STAT5B: variants seen among roughly 807,000 people sequenced by gnomAD.
STAT5B encodes signal transducer and activator of transcription 5B.
Under a neutral mutation model 107.8 loss-of-function variants are expected in STAT5B, and 21 were observed. That is an observed-to-expected ratio of 0.19 (90% CI 0.14 to 0.28). The LOEUF is 0.28. Among genes scored for constraint, STAT5B ranks in the 10% least tolerant of loss-of-function variants. The pLI is 1.00. For synonymous variants in STAT5B, 325 were observed against 401.7 expected, an observed-to-expected ratio of 0.81 and a Z score of 2.28; for missense variants, 565 against 1,008.2, an observed-to-expected ratio of 0.56 and a Z score of 5.95.
In STAT5B at chr17:42,201,026, C is replaced by A; in HGVS notation, c.*712G>T. 2.5e-6 allele frequency: 1 copy of A among 401,246 alleles called. No homozygotes were observed. The allele number at this position is 401,246 out of a possible 1,614,324, so 24.9% of individuals were successfully genotyped here. A position where few individuals can be genotyped will look rare whatever the true frequency, so the allele number is the denominator to read the frequency against. On this transcript the variant is annotated 3_prime_UTR_variant, in exon 19 of 19. Coordinates refer to ENST00000293328, the MANE Select transcript of STAT5B (RefSeq NM_012448.4). ...CACCCAGAGGAACTGAGTGGCAATT[C>A]CAGGGTGCGGGCGGGCAGGAGGGGA...
At chr17:42,234,164 G>C (rs989106266) in intron 1 of STAT5B, 1 of 152,204 alleles carries the variant, frequency 6.6e-6, no homozygotes, top group Admixed American at 6.5e-5. Flanking sequence ...AAGTGTGTCA[G>C]GAAATAAAAA....
At chr17:42,250,007 C>T (rs142091272) in intron 1 of STAT5B, among the ~76,000 whole-genome samples, 4 of 152,218 alleles carry the variant, frequency 2.6e-5, no homozygotes, top group South Asian at 2.1e-4. Flanking sequence ...TGAAAGCCTA[C>T]GCATTCAATC....
intron 5 of STAT5B, among the ~76,000 whole-genome samples, chr17:42,220,332 A>G (rs954451690): frequency 6.6e-6 from 1 of 152,214 alleles, no homozygotes; most frequent in Non-Finnish European, 1.5e-5. Flanking sequence ...GACATGGAAG[A>G]TGCCAGAAAG....
At chr17:42,274,296 A>G (rs1295493282) in intron 1 of STAT5B, among the ~76,000 whole-genome samples, 1 of 151,316 alleles carries the variant, frequency 6.6e-6, no homozygotes, top group Non-Finnish European at 1.5e-5. Flanking sequence ...AAAAAAAAAA[A>G]AAAAAAAAAA....
chr17:42,218,170 T>G lies in STAT5B; in HGVS notation c.1150A>C (p.Lys384Gln). 1.2e-6 allele frequency: 2 copies of G among 1,614,184 alleles called. No homozygotes were observed. The highest frequency in any genetic ancestry group is 1.7e-6 in the Non-Finnish European group (2 of 1,180,030). ...AATTACTTGCGGGTGTTCTCGTTCT[T>G]GAGCAGAGACTTGGCCTGCTGCTCA... The part of the protein sequence containing the change: ...ISEQQAKSLL[K>Q]NENTRNDYSG... Residue 384 changes from lysine (K) to glutamine (Q), a missense_variant, in exon 9 of 19, where the codon AAG (lysine) becomes CAG (glutamine). Transcript: ENST00000293328.
intron 16 of STAT5B, among the ~76,000 whole-genome samples, chr17:42,206,444 A>T (rs530452101): frequency 6.6e-6 from 1 of 152,230 alleles, no homozygotes; most frequent in East Asian, 1.9e-4. Flanking sequence ...ACCTCCACAC[A>T]GGAAGTTCAA....
chr17:42,212,184 C>T lies in STAT5B; in HGVS notation c.1480G>A (p.Val494Met). The T allele has an allele frequency of 6.2e-7, 1 of 1,614,176 alleles. No individual in the cohort carries two copies. Among genetic ancestry groups the T allele is most frequent in the Non-Finnish European group, 8.5e-7 (1 of 1,180,042 alleles). ...WDNAFAEPGR[V>M]PFAVPDKVLW... ...ACTTTGTCAGGCACGGCAAATGGCA[C>T]CCTGCCCTGAGAGGGAGAGAGGCCA... The change falls in exon 13 of 19, where the codon GTG (valine) becomes ATG (methionine). Residue 494 changes from valine (V) to methionine (M), a missense_variant. By Grantham distance (21) the Val-to-Met change is conservative (BLOSUM62 1). Coordinates refer to ENST00000293328, the MANE Select transcript of STAT5B (RefSeq NM_012448.4).
intron 12 of STAT5B, among the ~76,000 whole-genome samples, chr17:42,213,577 G>C (rs145654633): frequency 6.6e-6 from 1 of 151,538 alleles, no homozygotes; most frequent in African/African-American, 2.4e-5. Context: ...GCCCAGGCTG[G>C]AGTGCAGTGG....
At chr17:42,220,840 A>G (rs375474323) in intron 5 of STAT5B, among the ~76,000 whole-genome samples, 1,832 of 152,048 alleles carry the variant, frequency 0.012, 26 homozygotes, top group African/African-American at 0.04. Flanking sequence ...ACACAGGAGC[A>G]CCTGTGTATC....
intron 3 of STAT5B, 135 bp downstream of exon 3, chr17:42,227,394 G>T: frequency 1.6e-4 from 164 of 996,276 alleles, no homozygotes; most frequent in Non-Finnish European, 2.1e-4. Flanking sequence ...AAAAAAAAAA[G>T]ACCAAAACCA....
chr17:42,229,460 T>C (rs1283212329), intron 2 of STAT5B, among the ~76,000 whole-genome samples: 1 of 151,066 alleles, frequency 6.6e-6, no homozygotes, highest in Non-Finnish European at 1.5e-5. Flanking sequence ...AGGAGCCCAC[T>C]CTTAAAAGGA....
intron 1 of STAT5B, among the ~76,000 whole-genome samples, chr17:42,261,994 C>T (rs527971127): frequency 1.3e-5 from 2 of 152,178 alleles, no homozygotes; most frequent in East Asian, 3.9e-4. Context: ...GTCATCTCAC[C>T]TGGCCTAAAA....
At chr17:42,270,448 A>C (rs933336122) in intron 1 of STAT5B, 2 of 152,200 alleles carry the variant, frequency 1.3e-5, no homozygotes, top group Non-Finnish European at 2.9e-5. Context: ...CCAAGGAGAC[A>C]GCTTATAGCT....
At chr17:42,272,233 C>A (rs978198292) in intron 1 of STAT5B, 1 of 152,126 alleles carries the variant, frequency 6.6e-6, no homozygotes, top group African/African-American at 2.4e-5. Context: ...TAATACCATA[C>A]CCTGAATTTC....
upstream of STAT5B, among the ~76,000 whole-genome samples, chr17:42,277,377 T>A (rs1475871581): frequency 6.6e-6 from 1 of 152,134 alleles, no homozygotes; most frequent in Admixed American, 6.5e-5. Context: ...CTCCCCTGTG[T>A]GTATGCAAAA....
intron 1 of STAT5B, among the ~76,000 whole-genome samples, chr17:42,239,481 TAAAA>T (rs141513815): frequency 0.012 from 1,793 of 152,230 alleles, 25 homozygotes; most frequent in African/African-American, 0.041. Flanking sequence ...ATCTAATAAA[TAAAA>T]ATAAACTTCA....
intron 1 of STAT5B, among the ~76,000 whole-genome samples, chr17:42,261,944 T>TC (rs1174698323): frequency 1.3e-5 from 2 of 151,448 alleles, no homozygotes; most frequent in Non-Finnish European, 2.9e-5. Flanking sequence ...AAGCAATCCT[T>TC]CCCCCTCAGC....
intron 1 of STAT5B, among the ~76,000 whole-genome samples, chr17:42,260,045 C>T (rs1360364378): frequency 6.6e-6 from 1 of 152,116 alleles, no homozygotes; most frequent in African/African-American, 2.4e-5. Context: ...AGGCCTATAG[C>T]CACACTGTTT....
At position 42,217,213 on chromosome 17, in the gene STAT5B, G is replaced by A. The variant is rs2080179438; in HGVS notation, c.1327C>T (p.Leu443=). 6.2e-7 allele frequency: 1 copy of A among 1,614,114 alleles called. No homozygotes were observed. Among genetic ancestry groups the A allele is most frequent in the Non-Finnish European group, 8.5e-7 (1 of 1,180,022 alleles). ...CCAACACTGAACTGGGATTCAAACA[G>A]GATTGTAAATTTTTCTTCTGTCACC... ...ESVTEEKFTI[L]FESQFSVGGN... is the part of the protein sequence containing the mutation. Residue 443 remains leucine, a synonymous_variant, in exon 11 of 19, where the codon CTG becomes TTG. Transcript: ENST00000293328.
Sources: allele counts gnomAD v4.1 joint callset (sites outside exome capture counted in the v4.1 genomes callset), GRCh38; gene constraint gnomAD v4.1.1; transcripts MANE v1.5; gene names NCBI Gene and HGNC (gene_info 2026-07-23, HGNC 2026-07-21).